The following CXCL6 variants were observed in gnomAD, a reference collection of about 807,000 sequenced individuals.
The protein encoded by CXCL6 is C-X-C motif chemokine 6.
A neutral mutation model predicts 10.5 loss-of-function variants in CXCL6; 18 were observed. That is an observed-to-expected ratio of 1.71 (90% CI 1.18 to 2.54). The LOEUF (loss-of-function observed/expected upper bound fraction) is 2.54. Among genes scored for constraint, CXCL6 ranks in the 30% most tolerant of loss-of-function variants. The pLI, the probability that CXCL6 is intolerant of heterozygous loss-of-function variation, is 0.00. For missense variants in CXCL6, 171 were observed against 145.7 expected (o/e 1.17, Z -0.90); for synonymous variants, 82 against 68.3 (o/e 1.20, Z -0.99).
chr4:73,836,955 C>T lies in CXCL6; in HGVS notation c.110-9C>T, dbSNP rs188789275. On this transcript the variant is annotated splice_polypyrimidine_tract_variant and intron_variant, in intron 1 of 3. Transcript: ENST00000226317. ...CAACCTGCCCTATAAAAATGTCTTT[C>T]TTCCCCAGCTGGTCCTGTCTCTGCT... The T allele has an allele frequency of 1.7e-4, 267 of 1,603,262 alleles. No individual in the cohort carries two copies. Among genetic ancestry groups the T allele is most frequent in the Non-Finnish European group, 2.1e-4 (245 of 1,174,524 alleles).
chr4:73,837,165 T>C (rs1731121824), intron 2 of CXCL6, 38 bp from the exon 3 acceptor site: 1 of 1,613,690 alleles, frequency 6.2e-7, no homozygotes, highest in African/African-American at 1.3e-5. Flanking sequence ...CGTCAACCTT[T>C]GTGGCTCATG....
intron 3 of CXCL6, 78 bp downstream of exon 3, chr4:73,837,364 C>G: frequency 7.5e-7 from 1 of 1,328,334 alleles, no homozygotes; most frequent in Non-Finnish European, 1.1e-6. Flanking sequence ...CTTATTCTCT[C>G]TGTAGGATTT....
chr4:73,836,733 A>G lies in CXCL6; in HGVS notation c.-18A>G, dbSNP rs1440720376. ...CCTCCACCCAGCTCAGGAACCCGCGAACCCTCTCTTGACCACTATGAGCCT... is the reference window on the plus strand; with the variant it reads ...CCTCCACCCAGCTCAGGAACCCGCGGACCCTCTCTTGACCACTATGAGCCT... On this transcript the variant is annotated 5_prime_UTR_variant, in exon 1 of 4. Coordinates refer to ENST00000226317, the MANE Select transcript of CXCL6 (RefSeq NM_002993.4). The G allele has an allele frequency of 2.5e-6, 4 of 1,599,656 alleles. No individual in the cohort carries two copies. The Admixed American group carries it at 5.2e-5, about 21-fold the overall frequency.
Position 73,837,030 on chromosome 4 carries a change from A to T in CXCL6, c.176A>T (p.Asn59Ile). The change falls in exon 2 of 4, where the codon AAC becomes ATC. Residue 59 changes from asparagine to isoleucine, a missense_variant. Asn to Ile is a moderately radical substitution (Grantham distance 149). Coordinates refer to ENST00000226317, the MANE Select transcript of CXCL6 (RefSeq NM_002993.4). The part of the protein sequence containing the change: ...CTCLRVTLRV[N>I]PKTIGKLQVF... ...TGTTTACGCGTTACGCTGAGAGTAA[A>T]CCCCAAAACGATTGGTAAACTGCAG... 6.2e-7 allele frequency: 1 copy of T among 1,613,784 alleles called. No individual in the cohort carries two copies. The highest frequency in any genetic ancestry group is 2.2e-5 in the East Asian group (1 of 44,876).
chr4:73,837,168 G>T (rs774096701), intron 2 of CXCL6, 35 bp from the exon 3 acceptor site: 1 of 1,613,776 alleles, frequency 6.2e-7, no homozygotes, highest in South Asian at 1.1e-5. Flanking sequence ...CAACCTTTGT[G>T]GCTCATGGGT....
Position 73,836,683 on chromosome 4 carries a change from T to A in CXCL6, c.-68T>A. Reference sequence around the variant, plus strand: ...TGCAGAAGGCACGAGGAAACCAAAGTGCTCTGTATCCTCCAGTCTCCGCGC... The same window carrying A: ...TGCAGAAGGCACGAGGAAACCAAAGAGCTCTGTATCCTCCAGTCTCCGCGC... On this transcript the variant is annotated 5_prime_UTR_variant, in exon 1 of 4. Coordinates refer to ENST00000226317, the MANE Select transcript of CXCL6 (RefSeq NM_002993.4). 3 of 1,331,158 alleles carry A rather than the reference T, an allele frequency of 2.3e-6. No homozygotes were observed. The highest frequency in any genetic ancestry group is 3.2e-6 in the Non-Finnish European group (3 of 946,142). The allele number at this position is 1,331,158 out of a possible 1,614,324, so 82.5% of individuals were successfully genotyped here. A position where few individuals can be genotyped will look rare whatever the true frequency, so the allele number is the denominator to read the frequency against.
chr4:73,838,731 TTGGAGAAACAATAAAAGATTTCTA>T lies in CXCL6; in HGVS notation c.*1091_*1114del, dbSNP rs1398152263. 2 of 152,646 alleles carry T rather than the reference TTGGAGAAACAATAAAAGATTTCTA, an allele frequency of 1.3e-5. No individual in the cohort carries two copies. Among genetic ancestry groups the T allele is most frequent in the African/African-American group, 4.8e-5 (2 of 41,456 alleles). The allele number at this position is 152,646 out of a possible 1,614,324, so 9.5% of individuals were successfully genotyped here. ...TGGTTTTTGGTACTTGTATTGTCAT[TTGGAGAAACAATAAAAGATTTCTA>T]AACCACTGATGTTGTTTCTCCTTCT... On this transcript the variant is annotated 3_prime_UTR_variant, in exon 4 of 4. Transcript: ENST00000226317.
In CXCL6 at chr4:73,837,186, C is replaced by T; in HGVS notation, c.243-17C>T. 1 of 1,614,090 alleles carries T rather than the reference C, an allele frequency of 6.2e-7. No individual in the cohort carries two copies. ...CCTTTGTGGCTCATGGGTGCATCCT[C>T]TTTTTCTTTACTTCAGAGCCTCCCT... On this transcript the variant is annotated splice_polypyrimidine_tract_variant and intron_variant, in intron 2 of 3. Transcript: ENST00000226317.
intron 3 of CXCL6, 115 bp from the exon 4 acceptor site, chr4:73,837,508 T>C (rs529655819): frequency 3.4e-4 from 372 of 1,082,898 alleles, no homozygotes; most frequent in Non-Finnish European, 1.1e-4. Flanking sequence ...CATCTATTTT[T>C]TGTCTGCTCT....
At chr4:73,837,382 G>C in intron 3 of CXCL6, 96 bp downstream of exon 3, 1 of 1,247,308 alleles carries the variant, frequency 8.0e-7, no homozygotes, top group Non-Finnish European at 1.2e-6. Context: ...TTTAGACTAT[G>C]CTTAGAATTA....
chr4:73,837,380 A>T, intron 3 of CXCL6, 94 bp downstream of exon 3: 2 of 1,246,274 alleles, frequency 1.6e-6, no homozygotes, highest in African/African-American at 3.0e-5. Flanking sequence ...GATTTAGACT[A>T]TGCTTAGAAT....
Position 73,838,236 on chromosome 4 carries a change from T to C in CXCL6, c.*595T>C, listed in dbSNP as rs984563590. 2.0e-5 allele frequency: 3 copies of C among 152,216 alleles called. No individual in the cohort carries two copies. The highest frequency in any genetic ancestry group is 7.2e-5 in the African/African-American group (3 of 41,450). The allele number at this position is 152,216 out of a possible 1,614,324, so 9.4% of individuals were successfully genotyped here. ...TTTCCTTATTCAGAATTTCTAAAAATTTAAGTTCTGTAAGGGCTAATATAT... is the reference window on the plus strand; with the variant it reads ...TTTCCTTATTCAGAATTTCTAAAAACTTAAGTTCTGTAAGGGCTAATATAT... On this transcript the variant is annotated 3_prime_UTR_variant, in exon 4 of 4. Transcript: ENST00000226317.
At position 73,837,694 on chromosome 4, in the gene CXCL6, T is replaced by A. The variant is rs1236600140; in HGVS notation, c.*53T>A. 2 of 1,480,350 alleles carry A rather than the reference T, an allele frequency of 1.4e-6. No homozygotes were observed. The highest frequency in any genetic ancestry group is 1.5e-5 in the African/African-American group (1 of 68,466). 91.7% of individuals were successfully genotyped at this position (1,480,350 alleles called of 1,614,324 possible). On this transcript the variant is annotated 3_prime_UTR_variant, in exon 4 of 4. Coordinates refer to ENST00000226317, the MANE Select transcript of CXCL6 (RefSeq NM_002993.4). ...ATTGCCCAGTCTTCAGCGGAGCAGT[T>A]TTCTGGAGATCCCTGGACCCAGTAA...
At chr4:73,837,126 G>C in intron 2 of CXCL6, 30 bp downstream of exon 2, 1 of 1,613,112 alleles carries the variant, frequency 6.2e-7, no homozygotes, top group African/African-American at 1.3e-5. Flanking sequence ...TGTGTCCACT[G>C]TGACTTAGGC....
In CXCL6 at chr4:73,837,305, T is replaced by A; in HGVS notation, c.326+19T>A. 1 of 1,591,684 alleles carries A rather than the reference T, an allele frequency of 6.3e-7. No homozygotes were observed. Among genetic ancestry groups the A allele is most frequent in the Non-Finnish European group, 8.6e-7 (1 of 1,159,672 alleles). On this transcript the variant is annotated intron_variant, in intron 3 of 3. Transcript: ENST00000226317. ...TGGACAGGTATTTGTCCCTTTGATC[T>A]TTGTGGTGTTTTAATATCTTCTATG...
Position 73,836,970 on chromosome 4 carries a change from C to G in CXCL6, c.116C>G (p.Pro39Arg). ...AAATGTCTTTCTTCCCCAGCTGGTC[C>G]TGTCTCTGCTGTGCTGACAGAGCTG... ...TPPGPLASAG[P>R]VSAVLTELRC... The change falls in exon 2 of 4, where the codon CCT becomes CGT. Residue 39 changes from proline to arginine, a missense_variant. Physicochemically the swap from Pro to Arg is moderately radical, Grantham distance 103 (BLOSUM62 -2). Coordinates refer to ENST00000226317, the MANE Select transcript of CXCL6 (RefSeq NM_002993.4). 1 of 1,607,234 alleles carries G rather than the reference C, an allele frequency of 6.2e-7. No homozygotes were observed. Among genetic ancestry groups the G allele is most frequent in the Non-Finnish European group, 8.5e-7 (1 of 1,176,642 alleles).
chr4:73,837,447 C>T (rs1731129489), intron 3 of CXCL6, 161 bp downstream of exon 3: 1 of 925,128 alleles, frequency 1.1e-6, no homozygotes, highest in South Asian at 1.5e-5. Context: ...CTGGGTAAAC[C>T]TTTATCACCA....
In CXCL6 at chr4:73,837,465, A is replaced by G. The variant is rs1195799177; in HGVS notation, c.327-158A>G. The G allele has an allele frequency of 6.6e-6, 6 of 906,996 alleles. No individual in the cohort carries two copies. The Admixed American group carries it at 1.1e-4, about 16-fold the overall frequency. The allele number at this position is 906,996 out of a possible 1,614,324, so 56.2% of individuals were successfully genotyped here. A position where few individuals can be genotyped will look rare whatever the true frequency, so the allele number is the denominator to read the frequency against. On this transcript the variant is annotated intron_variant, in intron 3 of 3. Coordinates refer to ENST00000226317, the MANE Select transcript of CXCL6 (RefSeq NM_002993.4). ...GGTAAACCTTTATCACCAATCTTACATGCCTGAACAATTACACAGAGCTCA... is the reference window on the plus strand; with the variant it reads ...GGTAAACCTTTATCACCAATCTTACGTGCCTGAACAATTACACAGAGCTCA...
At chr4:73,836,942 T>A in intron 1 of CXCL6, 22 bp from the exon 2 acceptor site, 3 of 1,603,678 alleles carry the variant, frequency 1.9e-6, no homozygotes, top group Non-Finnish European at 2.6e-6. Flanking sequence ...ACCTGCCCTA[T>A]AAAAATGTCT....
Sources: allele counts gnomAD v4.1 joint callset, GRCh38; gene constraint gnomAD v4.1.1; transcripts MANE v1.5; gene names NCBI Gene and HGNC (gene_info 2026-07-23, HGNC 2026-07-21).